VPS51: variants seen among roughly 807,000 people sequenced by gnomAD.
VPS51 encodes the protein VPS51 subunit of GARP complex.
VPS51 carries 55 observed loss-of-function variants against 65.1 expected under a neutral mutation model. The ratio of observed to expected loss-of-function variants is 0.84; its 90% CI spans 0.68 to 1.06. The LOEUF is 1.06. VPS51 is among the 50% of genes least tolerant of loss of function. The probability of loss-of-function intolerance (pLI) is 0.00; values close to 1 mark genes in which losing one functional copy is unlikely to be tolerated. For missense variants in VPS51, 943 were observed against 1,101.6 expected (o/e 0.86, Z 2.04); for synonymous variants, 473 against 489.5 (o/e 0.97, Z 0.44).
In VPS51 at chr11:65,101,039, T is replaced by C. The variant is rs535213086; in HGVS notation, c.358+3912T>C. ...TTTCATATGCCTATGATTCCATTTC[T>C]GTTAAATGTATTCTGTAGCGAATAG... On this transcript the variant is annotated intron_variant, in intron 2 of 9. Coordinates refer to ENST00000279281, the MANE Select transcript of VPS51 (RefSeq NM_013265.4). Among the ~76,000 whole-genome samples, 32 of 152,358 alleles carry C rather than the reference T, an allele frequency of 2.1e-4. 1 individual carries two copies. In the South Asian group the frequency reaches 6.4e-3, roughly 31 times the overall value.
rs191494770 is a variant in VPS51, at chr11:65,109,827, C to T, written c.1782C>T (p.Ser594=). ...GLVISQMLRK[S]VETRDWLSTL... ...TCATATCACAGATGCTGCGCAAGAG[C>T]GTGGAGACTCGCGACTGGCTCAGCA... Residue 594 remains serine (S), a synonymous_variant, in exon 7 of 10, where the codon AGC becomes AGT. Coordinates refer to ENST00000279281, the MANE Select transcript of VPS51 (RefSeq NM_013265.4). 2.3e-4 allele frequency: 377 copies of T among 1,611,596 alleles called. No individual in the cohort carries two copies. Among genetic ancestry groups the T allele is most frequent in the Non-Finnish European group, 2.3e-4 (271 of 1,179,478 alleles).
Position 65,109,459 on chromosome 11 carries a change from C to T in VPS51, c.1623C>T (p.Tyr541=), listed in dbSNP as rs564977861. ...CLDYETATIS[Y]ILTLTDEQFL... ...ACTACGAGACGGCCACCATCTCCTA[C>T]ATCCTCACTCTCACTGATGAACAGT... Residue 541 remains tyrosine, a synonymous_variant, in exon 6 of 10, where the codon TAC becomes TAT. Transcript: ENST00000279281. 188 of 1,607,878 alleles carry T rather than the reference C, an allele frequency of 1.2e-4. 2 individuals are homozygous for T. In the South Asian group the frequency reaches 2.0e-3, roughly 17 times the overall value.
intron 7 of VPS51, 102 bp downstream of exon 7, chr11:65,110,025 A>G (rs1947880762): frequency 8.0e-7 from 1 of 1,255,284 alleles, no homozygotes; most frequent in Non-Finnish European, 1.1e-6. Context: ...CCCTGCCTGG[A>G]GGAGGGGACA....
intron 6 of VPS51, 74 bp from the exon 7 acceptor site, chr11:65,109,631 G>A: frequency 2.6e-6 from 4 of 1,514,282 alleles, no homozygotes; most frequent in Non-Finnish European, 2.7e-6. Flanking sequence ...TCTGTGCCCA[G>A]CTCCTGGTTG....
In VPS51 at chr11:65,111,850, C is replaced by A; in HGVS notation, c.*263C>A. ...GGCAGGGGGCGGTTCCACTTAAAAA[C>A]CCTGGGACGAGAGCGGTCCTTGTCT... On this transcript the variant is annotated 3_prime_UTR_variant, in exon 10 of 10. Transcript: ENST00000279281. 3.0e-6 allele frequency: 3 copies of A among 987,648 alleles called. No homozygotes were observed. Among genetic ancestry groups the A allele is most frequent in the Non-Finnish European group, 4.5e-6 (3 of 663,700 alleles). The allele number at this position is 987,648 out of a possible 1,614,324, so 61.2% of individuals were successfully genotyped here. A position where few individuals can be genotyped will look rare whatever the true frequency, so the allele number is the denominator to read the frequency against.
At chr11:65,109,601 C>A in intron 6 of VPS51, 104 bp from the exon 7 acceptor site, 1 of 1,517,830 alleles carries the variant, frequency 6.6e-7, no homozygotes. Context: ...TGTGTGTACC[C>A]CAGCCTCCAC....
At chr11:65,111,042 C>T (rs1402697200) in intron 9 of VPS51, 2 of 676,416 alleles carry the variant, frequency 3.0e-6, no homozygotes, top group Non-Finnish European at 5.2e-6. Flanking sequence ...TGTCCTTATC[C>T]CCACAGTAGT....
At chr11:65,100,534 T>G (rs957212070) in intron 2 of VPS51, among the ~76,000 whole-genome samples, 11 of 139,782 alleles carry the variant, frequency 7.9e-5, no homozygotes, top group Admixed American at 4.3e-4. Context: ...TGTTTTTTTT[T>G]TTTTTTTTTT....
In VPS51 at chr11:65,107,793, C is replaced by G; in HGVS notation, c.506-10C>G. 6.3e-7 allele frequency: 1 copy of G among 1,595,332 alleles called. No individual in the cohort carries two copies. The highest frequency in any genetic ancestry group is 8.5e-7 in the Non-Finnish European group (1 of 1,172,498). On this transcript the variant is annotated splice_polypyrimidine_tract_variant and intron_variant, in intron 3 of 9. Coordinates refer to ENST00000279281, the MANE Select transcript of VPS51 (RefSeq NM_013265.4). This position sits in a 1 kb window ranked among gnomAD's most constrained non-coding sequence, Gnocchi z 4.0. ...GGGCTCTGGGGCTAACGTCACCCTC[C>G]GTCCCCCAGGGGTCCACGCGCTGCT...
At chr11:65,099,240 A>G (rs1447464275) in intron 2 of VPS51, among the ~76,000 whole-genome samples, 1 of 152,118 alleles carries the variant, frequency 6.6e-6, no homozygotes, top group Admixed American at 6.6e-5. Flanking sequence ...AAAATGAGAA[A>G]GGAACTAGGT....
rs543247897 is a variant in VPS51, at chr11:65,108,496, G to A, written c.1025G>A (p.Arg342Gln). The A allele has an allele frequency of 2.2e-5, 36 of 1,600,340 alleles. No individual in the cohort carries two copies. The highest frequency in any genetic ancestry group is 1.6e-4 in the East Asian group (7 of 44,668). The stretch of plus-strand genomic sequence containing the variant: ...GCCGAGAAGCTGGCGGCCTTCGCCC[G>A]GCAGCTGGGCAGCCGCTATTTTGCG... ...AGAEKLAAFARQLGSRYFALV... is the reference protein window; with the variant it reads ...AGAEKLAAFAQQLGSRYFALV... The change falls in exon 5 of 10, where the codon CGG becomes CAG. Residue 342 changes from arginine to glutamine, a missense_variant. Physicochemically the swap from Arg to Gln is conservative, Grantham distance 43 (BLOSUM62 1). Coordinates refer to ENST00000279281, the MANE Select transcript of VPS51 (RefSeq NM_013265.4).
chr11:65,106,030 CAAACA>C (rs59196631), intron 2 of VPS51, among the ~76,000 whole-genome samples: 2,425 of 152,308 alleles, frequency 0.016, 64 homozygotes, highest in African/African-American at 0.055. Flanking sequence ...GACTCTTTCT[CAAACA>C]AAACAAAACC....
chr11:65,096,489 ACGGGGAGTGGGGGGGTG>A lies in VPS51; in HGVS notation c.228+19_228+35del. 3.2e-6 allele frequency: 2 copies of A among 623,456 alleles called. No individual in the cohort carries two copies. The highest frequency in any genetic ancestry group is 5.1e-6 in the Non-Finnish European group (2 of 395,230). The allele number at this position is 623,456 out of a possible 1,614,324, so 38.6% of individuals were successfully genotyped here. ...GTTTACCTAGACAAGGTGTGTGCGC[ACGGGGAGTGGGGGGGTG>A]CGGGGAGGGGGGAAGGGAACCAGGC... On this transcript the variant is annotated intron_variant, in intron 1 of 9. Coordinates refer to ENST00000279281, the MANE Select transcript of VPS51 (RefSeq NM_013265.4).
chr11:65,101,762 CAAAAAAAAAAAAAAAAA>C lies in VPS51; in HGVS notation c.358+4648_358+4664del, dbSNP rs1165429983. The stretch of plus-strand genomic sequence containing the variant: ...TGGGTGACAGAGCCAGACCTTGTCT[CAAAAAAAAAAAAAAAAA>C]AAAAAAAAAAAAGAAAATTAACAGA... On this transcript the variant is annotated intron_variant, in intron 2 of 9. Coordinates refer to ENST00000279281, the MANE Select transcript of VPS51 (RefSeq NM_013265.4). 9.7e-3 allele frequency among the ~76,000 whole-genome samples: 257 copies of C among 26,360 alleles called. 4 individuals are homozygous for C. The highest frequency in any genetic ancestry group is 0.023 in the African/African-American group (235 of 10,386). The allele number at this position is 26,360 out of a possible 152,430, so 17.3% of individuals were successfully genotyped here.
At chr11:65,097,261 C>G in intron 2 of VPS51, 134 bp downstream of exon 2, 2 of 1,343,736 alleles carry the variant, frequency 1.5e-6, no homozygotes, top group Non-Finnish European at 2.0e-6. Context: ...CCATTCTCAC[C>G]TCCTTTCCTT....
chr11:65,096,953 C>A, intron 1 of VPS51, 45 bp from the exon 2 acceptor site: 1 of 1,609,168 alleles, frequency 6.2e-7, no homozygotes, highest in Non-Finnish European at 8.5e-7. Context: ...GGCTGGGGGA[C>A]ATGAATGCCT....
rs1947874190 is a variant in VPS51, at chr11:65,109,565, C to T, written c.1659+70C>T. 14 of 1,568,538 alleles carry T rather than the reference C, an allele frequency of 8.9e-6. No homozygotes were observed. In the East Asian group the frequency reaches 3.2e-4, roughly 35 times the overall value. ...AATGCAGATGGCTGGACAGTGCCCT[C>T]ATGGCCAGACCCCAGACCAGCTGCC... On this transcript the variant is annotated intron_variant, in intron 6 of 9. Transcript: ENST00000279281.
At chr11:65,106,224 T>C (rs937949023) in intron 2 of VPS51, among the ~76,000 whole-genome samples, 1 of 152,222 alleles carries the variant, frequency 6.6e-6, no homozygotes, top group Non-Finnish European at 1.5e-5. Context: ...CATGACTTGG[T>C]AATGGATTGA....
rs758165452 is a variant in VPS51, at chr11:65,097,002, G to A, written c.233G>A (p.Arg78His). The change falls in exon 2 of 10, where the codon CGT becomes CAT. Residue 78 changes from arginine to histidine, a missense_variant. Physicochemically the swap from Arg to His is conservative, Grantham distance 29 (BLOSUM62 0). This residue lies in a region of VPS51 where 855 missense variants were observed against 953.7 expected (regional missense o/e 0.90). Transcript: ENST00000279281. ...CTAACCACCCAACTTCTTCAGCTGC[G>A]TAGAGAGTGCCCTCTGGCCCAGTTG... ...FDPEVYLDKL[R>H]RECPLAQLMD... 1.2e-6 allele frequency: 2 copies of A among 1,613,486 alleles called. No homozygotes were observed. The highest frequency in any genetic ancestry group is 1.7e-6 in the Non-Finnish European group (2 of 1,180,012).
Sources: gnomAD v4.1 joint callset for allele counts (sites outside exome capture counted in the v4.1 genomes callset) on GRCh38, gnomAD v4.1.1 for gene constraint, gnomAD v4.1.1 regional missense constraint, Gnocchi (gnomAD v3.1) non-coding constraint, MANE v1.5 for transcripts, NCBI Gene and HGNC (gene_info 2026-07-23, HGNC 2026-07-21) for gene names.